Variants in MAGI2 observed in about 807,000 individuals in gnomAD.
MAGI2 encodes membrane-associated guanylate kinase, WW and PDZ domain-containing protein 2.
MAGI2 carries 35 observed loss-of-function variants against 133.3 expected under a neutral mutation model. The observed-to-expected ratio is 0.26, with a 90% CI of 0.20 to 0.35. The LOEUF is 0.35. Among genes scored for constraint, MAGI2 ranks in the 10% least tolerant of loss-of-function variants. MAGI2 has a pLI of 1.00. For missense variants in MAGI2, 1,636 were observed against 1,863.4 expected (o/e 0.88, Z 2.25); for synonymous variants, 729 against 710.6 (o/e 1.03, Z -0.41).
At chr7:79,427,332 C>A (rs1483410887) in intron 1 of MAGI2, among the ~76,000 whole-genome samples, 1 of 152,052 alleles carries the variant, frequency 6.6e-6, no homozygotes, top group Non-Finnish European at 1.5e-5. Flanking sequence ...ACATATGTAA[C>A]AAACCCACAC....
At chr7:79,429,653 T>C (rs982777135) in intron 1 of MAGI2, among the ~76,000 whole-genome samples, 3 of 152,178 alleles carry the variant, frequency 2.0e-5, no homozygotes, top group South Asian at 2.1e-4. Flanking sequence ...GTTTTAAAAA[T>C]TGATCTTTCC....
At chr7:79,235,655 C>T (rs867155480) in intron 1 of MAGI2, among the ~76,000 whole-genome samples, 30 of 152,302 alleles carry the variant, frequency 2.0e-4, no homozygotes, top group South Asian at 1.4e-3. Flanking sequence ...CTTCGGCTCG[C>T]GCACGGTGCG....
intron 3 of MAGI2, among the ~76,000 whole-genome samples, chr7:78,572,717 C>T (rs1332149240): frequency 4.6e-5 from 7 of 151,796 alleles, no homozygotes; most frequent in African/African-American, 1.7e-4. Context: ...GGCTGGAGTG[C>T]CATGGTGCGA....
chr7:79,004,052 A>C (rs964144111), intron 2 of MAGI2, among the ~76,000 whole-genome samples: 1 of 152,230 alleles, frequency 6.6e-6, no homozygotes, highest in Non-Finnish European at 1.5e-5. Flanking sequence ...AGATTTCTCA[A>C]AAAACTGAAA....
chr7:79,312,169 T>C (rs1489049429), intron 1 of MAGI2, among the ~76,000 whole-genome samples: 1 of 152,188 alleles, frequency 6.6e-6, no homozygotes, highest in Non-Finnish European at 1.5e-5. Context: ...ATTCAAGCTA[T>C]GATAAGTCAA....
chr7:79,139,479 T>C (rs925371292), intron 1 of MAGI2, among the ~76,000 whole-genome samples: 6 of 152,186 alleles, frequency 3.9e-5, no homozygotes, highest in Non-Finnish European at 7.3e-5. Context: ...GAGCTACGAC[T>C]CAAGCCAATG....
In MAGI2 at chr7:79,416,693, C is replaced by T. The variant is rs1231747319; in HGVS notation, c.301+36327G>A. On this transcript the variant is annotated intron_variant, in intron 1 of 21. Coordinates refer to ENST00000354212, the MANE Select transcript of MAGI2 (RefSeq NM_012301.4). ...AGTAGGACACAGGGTACACAGAGGT[C>T]CATTGTTTCTTTTTTCTTTTCTTTT... Among the ~76,000 whole-genome samples, 4 of 140,390 alleles carry T rather than the reference C, an allele frequency of 2.8e-5. No individual in the cohort carries two copies. In the Admixed American group the frequency reaches 2.9e-4, roughly 10 times the overall value. 92.1% of individuals were successfully genotyped at this position (140,390 alleles called of 152,430 possible).
At chr7:79,078,954 A>G (rs961473117) in intron 1 of MAGI2, among the ~76,000 whole-genome samples, 4 of 152,170 alleles carry the variant, frequency 2.6e-5, no homozygotes, top group African/African-American at 9.7e-5. Context: ...TAATTAAAAT[A>G]CTTCCATTCT....
chr7:79,368,826 CGACAGAGCGA>C, intron 1 of MAGI2, among the ~76,000 whole-genome samples: 1 of 122,250 alleles, frequency 8.2e-6, no homozygotes, highest in East Asian at 2.7e-4. Flanking sequence ...CCAGCCTGGG[CGACAGAGCGA>C]GACTCCGTCT....
In MAGI2 at chr7:78,857,885, G is replaced by T. The variant is rs539721437; in HGVS notation, c.418+149205C>A. 3.3e-5 allele frequency among the ~76,000 whole-genome samples: 5 copies of T among 152,068 alleles called. No individual in the cohort carries two copies. In the South Asian group the frequency reaches 1.0e-3, roughly 32 times the overall value. ...TCAACTGTGATTCCGTCTGGTCCTG[G>T]ATTTTTTTTGTTGGTAGGCCATTAA... On this transcript the variant is annotated intron_variant, in intron 2 of 21. Transcript: ENST00000354212.
chr7:78,826,351 T>TAAAA (rs1212068156), intron 2 of MAGI2, among the ~76,000 whole-genome samples: 2 of 71,388 alleles, frequency 2.8e-5, no homozygotes, highest in Admixed American at 1.7e-4. Flanking sequence ...AGACTCCGTC[T>TAAAA]AAAAAAAAAA....
At chr7:78,719,950 G>A (rs935954962) in intron 2 of MAGI2, among the ~76,000 whole-genome samples, 1 of 151,966 alleles carries the variant, frequency 6.6e-6, no homozygotes, top group African/African-American at 2.4e-5. Flanking sequence ...TATAATTTTA[G>A]TTATTATAAA....
At chr7:78,642,951 G>A (rs1479013376) in intron 2 of MAGI2, among the ~76,000 whole-genome samples, 2 of 152,174 alleles carry the variant, frequency 1.3e-5, no homozygotes, top group Non-Finnish European at 2.9e-5. Flanking sequence ...GCAGGTGGGA[G>A]TGTGGGTGTG....
intron 11 of MAGI2, among the ~76,000 whole-genome samples, chr7:78,200,852 G>A (rs1030987626): frequency 1.3e-5 from 2 of 152,240 alleles, no homozygotes; most frequent in South Asian, 2.1e-4. Flanking sequence ...AGACTACATT[G>A]TATTGTGGAC....
intron 1 of MAGI2, among the ~76,000 whole-genome samples, chr7:79,406,650 C>T (rs1281477366): frequency 6.6e-6 from 1 of 152,022 alleles, no homozygotes; most frequent in Non-Finnish European, 1.5e-5. Flanking sequence ...TTTTCATCTT[C>T]CAGGGTCTGA....
intron 9 of MAGI2, among the ~76,000 whole-genome samples, chr7:78,318,692 G>C (rs1173135740): frequency 6.6e-6 from 1 of 152,094 alleles, no homozygotes; most frequent in Non-Finnish European, 1.5e-5. Flanking sequence ...GTTGAAATGA[G>C]GGAAAAAATG....
At chr7:78,702,175 G>A (rs1476686694) in intron 2 of MAGI2, among the ~76,000 whole-genome samples, 1 of 151,900 alleles carries the variant, frequency 6.6e-6, no homozygotes, top group African/African-American at 2.4e-5. Context: ...TTGGTCTAAT[G>A]GGAAATACAT....
chr7:79,307,522 A>C (rs971692609), intron 1 of MAGI2, among the ~76,000 whole-genome samples: 4 of 152,208 alleles, frequency 2.6e-5, no homozygotes, highest in Non-Finnish European at 5.9e-5. Context: ...CCCTACCTGC[A>C]TCATCTATGG....
chr7:78,650,115 G>A (rs1811387265), intron 2 of MAGI2, among the ~76,000 whole-genome samples: 1 of 152,024 alleles, frequency 6.6e-6, no homozygotes, highest in Admixed American at 6.6e-5. Context: ...ACTCAAAAAC[G>A]GTTTTCTTTT....
Sources: allele counts gnomAD v4.1 joint callset (sites outside exome capture counted in the v4.1 genomes callset), GRCh38; gene constraint gnomAD v4.1.1; transcripts MANE v1.5; gene names NCBI Gene and HGNC (gene_info 2026-07-23, HGNC 2026-07-21).